GYPE: variants seen among roughly 807,000 people sequenced by gnomAD.
The protein encoded by GYPE is glycophorin E (MNS blood group), also known as glycophorin-E.
A neutral mutation model predicts 11.6 loss-of-function variants in GYPE; 8 were observed. That is an observed-to-expected ratio of 0.69 (90% confidence interval 0.41 to 1.25). GYPE has a LOEUF of 1.25. GYPE is among the 50% of genes most tolerant of loss of function. The pLI, the probability that GYPE is intolerant of heterozygous loss-of-function variation, is 0.01. For missense variants in GYPE, 90 were observed against 92.8 expected (o/e 0.97, Z 0.12); for synonymous variants, 28 against 29.6 (o/e 0.94, Z 0.18).
chr4:143,896,970 A>G (rs1233596643), intron 1 of GYPE, among the ~76,000 whole-genome samples: 1 of 151,562 alleles, frequency 6.6e-6, no homozygotes, highest in Non-Finnish European at 1.5e-5. Flanking sequence ...GAACACATGG[A>G]CACAGGAAGG....
chr4:143,874,584 C>T (rs1217768346), intron 3 of GYPE, among the ~76,000 whole-genome samples: 9 of 152,232 alleles, frequency 5.9e-5, no homozygotes, highest in South Asian at 2.1e-4. Context: ...GCCTGCTCTA[C>T]GTCCTGTTTT....
At chr4:143,876,228 T>G (rs899682905) in intron 3 of GYPE, among the ~76,000 whole-genome samples, 1 of 151,996 alleles carries the variant, frequency 6.6e-6, no homozygotes, top group Non-Finnish European at 1.5e-5. Flanking sequence ...ATCCTCCCAC[T>G]TCAGCCCCCT....
At chr4:143,884,972 G>A (rs1744179281) in intron 1 of GYPE, among the ~76,000 whole-genome samples, 1 of 150,424 alleles carries the variant, frequency 6.6e-6, no homozygotes, top group Non-Finnish European at 1.5e-5. Context: ...ACTGTCAGTA[G>A]TATGGAGGAT....
chr4:143,893,574 T>C (rs533603822), intron 1 of GYPE, among the ~76,000 whole-genome samples: 5 of 152,172 alleles, frequency 3.3e-5, no homozygotes, highest in Admixed American at 1.3e-4. Context: ...TTATGAAGCT[T>C]AGTTTGGCTG....
intron 1 of GYPE, among the ~76,000 whole-genome samples, chr4:143,892,572 G>C (rs1000396586): frequency 2.1e-4 from 32 of 151,964 alleles, no homozygotes; most frequent in African/African-American, 6.5e-4. Context: ...TATGTACCCA[G>C]TAGTCATTCA....
At chr4:143,884,213 CT>C (rs933209991) in intron 1 of GYPE, among the ~76,000 whole-genome samples, 37 of 116,576 alleles carry the variant, frequency 3.2e-4, no homozygotes, top group Middle Eastern at 4.2e-3. Context: ...AAATATTTCC[CT>C]CCCTATCTTT....
intron 3 of GYPE, among the ~76,000 whole-genome samples, chr4:143,875,969 C>G (rs374042733): frequency 2.0e-5 from 3 of 148,604 alleles, no homozygotes; most frequent in East Asian, 3.9e-4. Flanking sequence ...GAGGGAAACT[C>G]TGTCTAAAAA....
chr4:143,898,942 A>G lies in GYPE; in HGVS notation c.37+6529T>C, dbSNP rs566224584. Reference sequence around the variant, plus strand: ...ATTCTCAGTTGCCTCAAATAGCTGTACTATTCATGTTTTATGTTTTGTATT... The same window carrying G: ...ATTCTCAGTTGCCTCAAATAGCTGTGCTATTCATGTTTTATGTTTTGTATT... On this transcript the variant is annotated intron_variant, in intron 1 of 3. Coordinates refer to ENST00000358615, the MANE Select transcript of GYPE (RefSeq NM_198682.3). Among the ~76,000 whole-genome samples the G allele has an allele frequency of 1.3e-4, 19 of 148,104 alleles. No individual in the cohort carries two copies. The South Asian group carries it at 2.9e-3, about 22-fold the overall frequency.
At chr4:143,894,095 A>T (rs28850934) in intron 1 of GYPE, among the ~76,000 whole-genome samples, 141,159 of 152,152 alleles carry the variant, frequency 0.93, 66,433 homozygotes, top group East Asian at 1. Flanking sequence ...CTTCCAGTTG[A>T]TCACATTGGC....
intron 1 of GYPE, among the ~76,000 whole-genome samples, chr4:143,900,872 A>C (rs1578980979): frequency 6.6e-6 from 1 of 152,134 alleles, no homozygotes; most frequent in Non-Finnish European, 1.5e-5. Flanking sequence ...TTCCTTTTGG[A>C]GTGATGAAAA....
At chr4:143,874,481 A>G (rs868234914) in intron 3 of GYPE, among the ~76,000 whole-genome samples, 26 of 152,306 alleles carry the variant, frequency 1.7e-4, no homozygotes, top group Middle Eastern at 3.4e-3. Flanking sequence ...AGAGGTAATA[A>G]CATTCATTTA....
intron 1 of GYPE, among the ~76,000 whole-genome samples, chr4:143,900,897 A>C (rs1744841288): frequency 6.6e-6 from 1 of 152,194 alleles, no homozygotes; most frequent in Admixed American, 6.5e-5. Flanking sequence ...CTGGAGCTAC[A>C]TAATGGTGAT....
intron 2 of GYPE, among the ~76,000 whole-genome samples, chr4:143,878,004 T>C (rs866188481): frequency 2.7e-5 from 4 of 150,126 alleles, no homozygotes; most frequent in Non-Finnish European, 4.4e-5. Context: ...TTCACTTGTT[T>C]TATAAGCTCT....
Position 143,875,315 on chromosome 4 carries a change from T to G in GYPE, c.*9+1431A>C, listed in dbSNP as rs767528745. ...AAATCATGACTATACTACATGCAAA[T>G]AATTTGTATTTTGTTTTATTTTTAT... On this transcript the variant is annotated intron_variant, in intron 3 of 3. Coordinates refer to ENST00000358615, the MANE Select transcript of GYPE (RefSeq NM_198682.3). The G allele has an allele frequency of 1.9e-4, 132 of 712,074 alleles. 1 individual carries two copies. Among genetic ancestry groups the G allele is most frequent in the Non-Finnish European group, 2.9e-4 (125 of 427,896 alleles). 44.1% of individuals were successfully genotyped at this position (712,074 alleles called of 1,614,324 possible).
At chr4:143,892,567 AC>A (rs1405893160) in intron 1 of GYPE, among the ~76,000 whole-genome samples, 3 of 151,626 alleles carry the variant, frequency 2.0e-5, no homozygotes, top group Non-Finnish European at 4.4e-5. Context: ...TTCGTTATGT[AC>A]CCAGTAGTCA....
intron 1 of GYPE, among the ~76,000 whole-genome samples, chr4:143,881,791 C>A (rs977512356): frequency 5.3e-5 from 8 of 152,088 alleles, no homozygotes; most frequent in African/African-American, 4.8e-5. Context: ...GTAGATGTAC[C>A]TTTGCTCATC....
At chr4:143,873,761 A>G (rs1357137514) in intron 3 of GYPE, among the ~76,000 whole-genome samples, 2 of 152,152 alleles carry the variant, frequency 1.3e-5, no homozygotes, top group African/African-American at 4.8e-5. Flanking sequence ...TGAGCATGAA[A>G]TCAATTCTAA....
intron 1 of GYPE, among the ~76,000 whole-genome samples, chr4:143,896,620 C>T (rs1362937475): frequency 1.3e-5 from 2 of 152,146 alleles, no homozygotes; most frequent in African/African-American, 4.8e-5. Context: ...GGATCTACAA[C>T]TAGAAATACC....
At chr4:143,902,085 A>T (rs1055994717) in intron 1 of GYPE, among the ~76,000 whole-genome samples, 23 of 152,108 alleles carry the variant, frequency 1.5e-4, no homozygotes, top group African/African-American at 5.3e-4. Context: ...AAGAAAACTG[A>T]GGCCCACGGG....
Sources: allele counts gnomAD v4.1 joint callset (sites outside exome capture counted in the v4.1 genomes callset), GRCh38; gene constraint gnomAD v4.1.1; transcripts MANE v1.5; gene names NCBI Gene and HGNC (gene_info 2026-07-23, HGNC 2026-07-21).